MYRFL: variants seen among roughly 807,000 people sequenced by gnomAD.
The protein encoded by MYRFL is myelin regulatory factor-like protein.
Under a neutral mutation model 109.4 loss-of-function variants are expected in MYRFL, and 88 were observed. The ratio of observed to expected loss-of-function variants is 0.80; its 90% CI spans 0.68 to 0.96. The LOEUF (loss-of-function observed/expected upper bound fraction) is 0.96, where lower values mean the gene tolerates loss of function less well. Among genes scored for constraint, MYRFL ranks in the 40% least tolerant of loss-of-function variants. The probability of loss-of-function intolerance (pLI) is 0.00; values close to 1 mark genes in which losing one functional copy is unlikely to be tolerated. For missense variants in MYRFL, 957 were observed against 954.9 expected (o/e 1.00, Z -0.03); for synonymous variants, 324 against 320.9 (o/e 1.01, Z -0.10).
chr12:69,852,448 T>C (rs2136320794), intron 1 of MYRFL, among the ~76,000 whole-genome samples: 1 of 151,774 alleles, frequency 6.6e-6, no homozygotes, highest in South Asian at 2.1e-4. Flanking sequence ...TATTTCTTTA[T>C]ATACAGCAAT....
chr12:69,834,049 G>T (rs1172758780), intron 1 of MYRFL, among the ~76,000 whole-genome samples: 2 of 152,034 alleles, frequency 1.3e-5, no homozygotes, highest in Non-Finnish European at 2.9e-5. Flanking sequence ...AAAGATATCA[G>T]AACACCATCA....
chr12:69,929,703 G>A (rs1017171566), intron 15 of MYRFL, among the ~76,000 whole-genome samples: 7 of 152,324 alleles, frequency 4.6e-5, no homozygotes, highest in South Asian at 2.1e-4. Context: ...TAGCACTGTG[G>A]TTAAGAGCAT....
At chr12:69,932,862 CGT>C (rs3970822) in intron 16 of MYRFL, among the ~76,000 whole-genome samples, 136 of 149,444 alleles carry the variant, frequency 9.1e-4, no homozygotes, top group African/African-American at 2.6e-3. Flanking sequence ...CTGTGCCTTT[CGT>C]GTGTGTGTGT....
At chr12:69,888,981 A>C (rs377364331) in intron 6 of MYRFL, among the ~76,000 whole-genome samples, 1 of 152,130 alleles carries the variant, frequency 6.6e-6, no homozygotes, top group African/African-American at 2.4e-5. Context: ...TTGGCTTCTT[A>C]AGGGTAGTCA....
intron 11 of MYRFL, among the ~76,000 whole-genome samples, chr12:69,904,753 A>G (rs1954301386): frequency 6.6e-6 from 1 of 152,100 alleles, no homozygotes; most frequent in Admixed American, 6.6e-5. Flanking sequence ...CCACTTCCCC[A>G]TCATCTCACT....
chr12:69,827,473 G>GTAGGC (rs1287993265), intron 1 of MYRFL, among the ~76,000 whole-genome samples: 8 of 151,826 alleles, frequency 5.3e-5, no homozygotes, highest in Non-Finnish European at 2.9e-5. Flanking sequence ...GATGCAATAG[G>GTAGGC]TAGGCTTGTG....
At chr12:69,866,322 G>A (rs925023785) in intron 2 of MYRFL, among the ~76,000 whole-genome samples, 1 of 152,072 alleles carries the variant, frequency 6.6e-6, no homozygotes, top group Non-Finnish European at 1.5e-5. Flanking sequence ...ATGCAGTTAA[G>A]TGGAACTGCA....
At chr12:69,827,631 T>C (rs933055098) in intron 1 of MYRFL, among the ~76,000 whole-genome samples, 3 of 152,140 alleles carry the variant, frequency 2.0e-5, no homozygotes, top group African/African-American at 7.2e-5. Context: ...TTGTTTTATT[T>C]ATAATAACTA....
At chr12:69,844,492 T>G (rs1404663478) in intron 1 of MYRFL, among the ~76,000 whole-genome samples, 1 of 152,150 alleles carries the variant, frequency 6.6e-6, no homozygotes, top group East Asian at 1.9e-4. Flanking sequence ...TCCATCTGCT[T>G]CTGTTAGCAG....
At position 69,936,137 on chromosome 12, in the gene MYRFL, T is replaced by C. The variant is rs1337027556; in HGVS notation, c.1941T>C (p.Tyr647=). The change falls in exon 17 of 25, where the codon TAT becomes TAC. Residue 647 remains tyrosine (Y), a synonymous_variant. Coordinates refer to ENST00000552032, the MANE Select transcript of MYRFL (RefSeq NM_182530.3). ...GTGCTTTGACGATAGTTGCCCTCTA[T>C]ATACTTAGCTTAAAAGATCAAGACC... ...AFCALTIVAL[Y]ILSLKDQDRR... is the part of the protein sequence containing the mutation. The C allele has an allele frequency of 2.6e-6, 3 of 1,156,076 alleles. No homozygotes were observed. The South Asian group carries it at 3.9e-5, about 15-fold the overall frequency. The allele number at this position is 1,156,076 out of a possible 1,614,324, so 71.6% of individuals were successfully genotyped here.
chr12:69,873,688 C>T (rs1364970281), intron 2 of MYRFL, among the ~76,000 whole-genome samples: 2 of 152,112 alleles, frequency 1.3e-5, no homozygotes, highest in Admixed American at 6.5e-5. Context: ...GAATGGAGTG[C>T]AATTTAAAAC....
At chr12:69,884,630 A>G (rs78842354) in intron 5 of MYRFL, among the ~76,000 whole-genome samples, 3 of 152,310 alleles carry the variant, frequency 2.0e-5, no homozygotes, top group African/African-American at 7.2e-5. Context: ...AGTCAGGAAC[A>G]TGGGCTAGTT....
At chr12:69,899,336 T>A (rs1954110333) in intron 10 of MYRFL, among the ~76,000 whole-genome samples, 1 of 152,256 alleles carries the variant, frequency 6.6e-6, no homozygotes, top group Non-Finnish European at 1.5e-5. Context: ...ATTGTTTGAA[T>A]TAGTGAGTTT....
chr12:69,873,550 A>T (rs1290333882), intron 2 of MYRFL, among the ~76,000 whole-genome samples: 1 of 152,194 alleles, frequency 6.6e-6, no homozygotes, highest in Admixed American at 6.5e-5. Context: ...AACACAAGCA[A>T]TGTGATATCG....
At position 69,859,260 on chromosome 12, in the gene MYRFL, G is replaced by A. The variant is rs77507880; in HGVS notation, c.137+3890G>A. ...TTGTTAAGGTTTGCTTTATGACCCAGAATATGATCTATCTTGGTGAATGTT... is the reference window on the plus strand; with the variant it reads ...TTGTTAAGGTTTGCTTTATGACCCAAAATATGATCTATCTTGGTGAATGTT... On this transcript the variant is annotated intron_variant, in intron 2 of 24. Coordinates refer to ENST00000552032, the MANE Select transcript of MYRFL (RefSeq NM_182530.3). Among the ~76,000 whole-genome samples, 972 of 152,168 alleles carry A rather than the reference G, an allele frequency of 6.4e-3. 9 individuals are homozygous for A. The highest frequency in any genetic ancestry group is 0.022 in the African/African-American group (921 of 41,532).
rs141209453 is a variant in MYRFL at position 69,893,413 on chromosome 12, A to G, written c.904-351A>G. Among the ~76,000 whole-genome samples, 32 of 152,344 alleles carry G rather than the reference A, an allele frequency of 2.1e-4. No homozygotes were observed. The East Asian group carries it at 6.2e-3, about 29-fold the overall frequency. The stretch of plus-strand genomic sequence containing the variant: ...TCTAATGCCTAAAGCAGTTCCTCGT[A>G]CATAGTGGGTGCTCCATAAGTACTT... On this transcript the variant is annotated intron_variant, in intron 7 of 24. Coordinates refer to ENST00000552032, the MANE Select transcript of MYRFL (RefSeq NM_182530.3).
chr12:69,945,815 G>A (rs1209729617), intron 19 of MYRFL, among the ~76,000 whole-genome samples: 4 of 149,792 alleles, frequency 2.7e-5, no homozygotes, highest in African/African-American at 4.9e-5. Context: ...GTGAAACCCC[G>A]TCTCTACTAA....
At chr12:69,896,380 T>C (rs1447281131) in intron 9 of MYRFL, among the ~76,000 whole-genome samples, 1 of 152,228 alleles carries the variant, frequency 6.6e-6, no homozygotes, top group Non-Finnish European at 1.5e-5. Flanking sequence ...AGGGAAACTC[T>C]TGTTCTCTAA....
chr12:69,897,964 G>GCAGCTC (rs1334293215), intron 10 of MYRFL, among the ~76,000 whole-genome samples: 1 of 152,232 alleles, frequency 6.6e-6, no homozygotes, highest in Non-Finnish European at 1.5e-5. Flanking sequence ...AGCTGCAGCT[G>GCAGCTC]TGTGAGTTCA....
Sources: gnomAD v4.1 joint callset for allele counts (sites outside exome capture counted in the v4.1 genomes callset) on GRCh38, gnomAD v4.1.1 for gene constraint, MANE v1.5 for transcripts, NCBI Gene and HGNC (gene_info 2026-07-23, HGNC 2026-07-21) for gene names.